The following SLC25A40 variants were observed in gnomAD, a reference collection of about 807,000 sequenced individuals.
SLC25A40 encodes mitochondrial glutathione transporter SLC25A40.
SLC25A40 carries 41 observed loss-of-function variants against 46.5 expected under a neutral mutation model. The ratio of observed to expected loss-of-function variants is 0.88; its 90% CI spans 0.69 to 1.14. The LOEUF is 1.14. SLC25A40 is among the 50% of genes most tolerant of loss of function. The pLI is 0.00. For synonymous variants in SLC25A40, 126 were observed against 127.5 expected (o/e 0.99, Z 0.08); for missense variants, 386 against 393.6 (o/e 0.98, Z 0.16).
At position 87,843,763 on chromosome 7, in the gene SLC25A40, C is replaced by CT. The variant is rs1838370969; in HGVS notation, c.731_732insA (p.Ser245ValfsTer13). On this transcript the variant is annotated frameshift_variant, in exon 9 of 12. Transcript: ENST00000341119. LOFTEE classifies it high-confidence loss of function. Reference sequence around the variant, plus strand: ...AAAAGAATAAACTTACAGAACCAGACAATGCCCCTGAAGTAAAGTTGATCA... The same window carrying CT: ...AAAAGAATAAACTTACAGAACCAGACTAATGCCCCTGAAGTAAAGTTGATCA... 1.2e-6 allele frequency: 2 copies of CT among 1,604,244 alleles called. No individual in the cohort carries two copies. Among genetic ancestry groups the CT allele is most frequent in the Non-Finnish European group, 1.7e-6 (2 of 1,172,870 alleles).
intron 8 of SLC25A40, among the ~76,000 whole-genome samples, chr7:87,844,273 TAATAC>T (rs1170151006): frequency 1.3e-5 from 2 of 152,162 alleles, no homozygotes; most frequent in Non-Finnish European, 2.9e-5. Context: ...CAAAGGTATA[TAATAC>T]AAATCTTTAA....
At chr7:87,857,395 G>A (rs1838630711) in intron 3 of SLC25A40, among the ~76,000 whole-genome samples, 1 of 152,182 alleles carries the variant, frequency 6.6e-6, no homozygotes, top group African/African-American at 2.4e-5. Flanking sequence ...GTTAGATACT[G>A]TTCCCAAGTG....
chr7:87,848,799 C>T (rs556103689), intron 6 of SLC25A40, among the ~76,000 whole-genome samples: 1 of 152,152 alleles, frequency 6.6e-6, no homozygotes, highest in Non-Finnish European at 1.5e-5. Context: ...AACTAAAGGA[C>T]ATTCACAGAC....
At chr7:87,857,477 T>G (rs1838632130) in intron 3 of SLC25A40, among the ~76,000 whole-genome samples, 2 of 152,200 alleles carry the variant, frequency 1.3e-5, no homozygotes, top group Non-Finnish European at 2.9e-5. Context: ...TTTCATATAA[T>G]AATATGATGA....
intron 8 of SLC25A40, among the ~76,000 whole-genome samples, chr7:87,845,541 C>T (rs569207104): frequency 1.3e-5 from 2 of 151,962 alleles, no homozygotes; most frequent in African/African-American, 2.4e-5. Context: ...ATCACACACG[C>T]GCTCATGCAC....
At position 87,840,300 on chromosome 7, in the gene SLC25A40, G is replaced by A. The variant is rs117891752; in HGVS notation, c.823+1333C>T. 1.3e-4 allele frequency among the ~76,000 whole-genome samples: 20 copies of A among 151,758 alleles called. No individual in the cohort carries two copies. In the East Asian group the frequency reaches 3.9e-3, roughly 29 times the overall value. The stretch of plus-strand genomic sequence containing the variant: ...TAGGGATCATCTTCAAAATATACAA[G>A]CTAGAGTTCCACCTCAGATTCATTA... On this transcript the variant is annotated intron_variant, in intron 10 of 11. Coordinates refer to ENST00000341119, the MANE Select transcript of SLC25A40 (RefSeq NM_018843.4).
At chr7:87,857,750 G>T (rs1349720801) in intron 3 of SLC25A40, among the ~76,000 whole-genome samples, 2 of 152,194 alleles carry the variant, frequency 1.3e-5, no homozygotes, top group East Asian at 3.8e-4. Flanking sequence ...TGTAAAACAT[G>T]TATGTTTGAA....
chr7:87,855,921 C>A lies in SLC25A40; in HGVS notation c.157+371G>T, dbSNP rs563831346. On this transcript the variant is annotated intron_variant, in intron 4 of 11. Transcript: ENST00000341119. ...GCTGTCTGATAAAATAATAAATTTC[C>A]AATCACTATATTCAAGCAATAGTTG... Among the ~76,000 whole-genome samples the A allele has an allele frequency of 4.6e-5, 7 of 152,142 alleles. No individual in the cohort carries two copies. The East Asian group carries it at 1.4e-3, about 29-fold the overall frequency.
intron 4 of SLC25A40, 107 bp downstream of exon 4, chr7:87,856,185 G>C (rs1487119695): frequency 8.2e-6 from 8 of 980,856 alleles, no homozygotes; most frequent in Non-Finnish European, 1.2e-5. Flanking sequence ...TGAGGATAAA[G>C]AGGCATCAAT....
chr7:87,854,996 C>CA lies in SLC25A40; in HGVS notation c.158-687dup, dbSNP rs1838585917. Among the ~76,000 whole-genome samples, 4 of 151,002 alleles carry CA rather than the reference C, an allele frequency of 2.6e-5. No homozygotes were observed. The South Asian group carries it at 8.4e-4, about 32-fold the overall frequency. On this transcript the variant is annotated intron_variant, in intron 4 of 11. Coordinates refer to ENST00000341119, the MANE Select transcript of SLC25A40 (RefSeq NM_018843.4). ...GCTACACAGTGAGCCTCCATCTCTACAAAAAAATTTTAAAAATCAGCTGGG... is the reference window on the plus strand; with the variant it reads ...GCTACACAGTGAGCCTCCATCTCTACAAAAAAAATTTTAAAAATCAGCTGGG...
intron 2 of SLC25A40, among the ~76,000 whole-genome samples, chr7:87,859,173 G>C (rs752989420): frequency 1.3e-5 from 2 of 152,030 alleles, no homozygotes; most frequent in Non-Finnish European, 2.9e-5. Flanking sequence ...AATAATCACC[G>C]GCCAGGCGTG....
At chr7:87,868,025 T>C (rs1838832774) in intron 1 of SLC25A40, among the ~76,000 whole-genome samples, 1 of 152,202 alleles carries the variant, frequency 6.6e-6, no homozygotes, top group Non-Finnish European at 1.5e-5. Flanking sequence ...AGAGCAGAGT[T>C]TGCAAGGTCA....
intron 1 of SLC25A40, among the ~76,000 whole-genome samples, chr7:87,868,536 G>C (rs149785505): frequency 2.8e-4 from 43 of 152,104 alleles, no homozygotes; most frequent in Non-Finnish European, 4.0e-4. Flanking sequence ...AATCAGATTC[G>C]AGTTGGGGTT....
chr7:87,840,108 T>C (rs1838309567), intron 10 of SLC25A40, among the ~76,000 whole-genome samples: 1 of 151,786 alleles, frequency 6.6e-6, no homozygotes, highest in South Asian at 2.1e-4. Flanking sequence ...AATTTACCAA[T>C]GATAATCATG....
At chr7:87,850,703 G>C (rs551679625) in intron 5 of SLC25A40, among the ~76,000 whole-genome samples, 3 of 151,896 alleles carry the variant, frequency 2.0e-5, no homozygotes, top group Non-Finnish European at 4.4e-5. Flanking sequence ...AGCAGGGAGA[G>C]GCTGCACTGA....
intron 10 of SLC25A40, chr7:87,837,130 T>C (rs1838268157): frequency 6.5e-6 from 1 of 154,788 alleles, no homozygotes; most frequent in Admixed American, 6.6e-5. Context: ...TTCTAGGTCT[T>C]AAAAATTTTT....
At chr7:87,847,251 T>A in intron 7 of SLC25A40, 129 bp from the exon 8 acceptor site, 1 of 636,142 alleles carries the variant, frequency 1.6e-6, no homozygotes, top group Non-Finnish European at 2.3e-6. Flanking sequence ...CTGAAAACCT[T>A]AAAATTAAAT....
Position 87,841,698 on chromosome 7 carries a change from G to C in SLC25A40, c.758C>G (p.Thr253Ser). ...TGTTTTTACTACATCAAATGGTAAA[G>C]TTGCAACAGCAGCAAACTATCAGAA... Reference protein sequence around the residue: ...ALSGSFAAVATLPFDVVKTQK... With the variant: ...ALSGSFAAVASLPFDVVKTQK... The change falls in exon 10 of 12, where the codon ACT becomes AGT. Residue 253 changes from threonine to serine, a missense_variant. Transcript: ENST00000341119. 6.6e-7 allele frequency: 1 copy of C among 1,526,016 alleles called. No homozygotes were observed. The allele number at this position is 1,526,016 out of a possible 1,614,324, so 94.5% of individuals were successfully genotyped here. A position where few individuals can be genotyped will look rare whatever the true frequency, so the allele number is the denominator to read the frequency against.
Position 87,858,897 on chromosome 7 carries a change from A to C in SLC25A40, c.-24-146T>G, listed in dbSNP as rs555008000. The stretch of plus-strand genomic sequence containing the variant: ...AAACAGATACTGACAGAATGAAAGC[A>C]GGTGACCACTAAGTCTGAGTCTGTG... On this transcript the variant is annotated intron_variant, in intron 2 of 11. Coordinates refer to ENST00000341119, the MANE Select transcript of SLC25A40 (RefSeq NM_018843.4). 1.7e-4 allele frequency: 105 copies of C among 603,768 alleles called. 1 individual carries two copies. The highest frequency in any genetic ancestry group is 5.4e-4 in the Admixed American group (19 of 35,378). The allele number at this position is 603,768 out of a possible 1,614,324, so 37.4% of individuals were successfully genotyped here.
Sources: allele counts gnomAD v4.1 joint callset (sites outside exome capture counted in the v4.1 genomes callset), GRCh38; gene constraint gnomAD v4.1.1; transcripts MANE v1.5; gene names NCBI Gene and HGNC (gene_info 2026-07-23, HGNC 2026-07-21).